The following MRGPRX1 variants were observed in gnomAD, a reference collection of about 807,000 sequenced individuals.
MRGPRX1 encodes the protein MAS related GPR family member X1.
For missense variants in MRGPRX1, 411 were observed against 393.8 expected (o/e 1.04, Z -0.37); for synonymous variants, 208 against 170.4 (o/e 1.22, Z -1.72).
Position 18,933,514 on chromosome 11 carries a change from C to G in MRGPRX1, c.*302G>C, listed in dbSNP as rs978192238. Among the ~76,000 whole-genome samples, 2 of 151,412 alleles carry G rather than the reference C, an allele frequency of 1.3e-5. No homozygotes were observed. The highest frequency in any genetic ancestry group is 4.8e-5 in the African/African-American group (2 of 41,290). ...ATAAAGAGTGTTTTAGGGTTTTGTACAGGAACTCCTTTTATTACAAAGAAA... is the reference window on the plus strand; with the variant it reads ...ATAAAGAGTGTTTTAGGGTTTTGTAGAGGAACTCCTTTTATTACAAAGAAA... On this transcript the variant is annotated 3_prime_UTR_variant, in exon 2 of 2. Coordinates refer to ENST00000526914, the MANE Select transcript of MRGPRX1 (RefSeq NM_001393578.1).
rs150781404 is a variant in MRGPRX1 at position 18,935,730 on chromosome 11, G to A, written c.-25-921C>T. Among the ~76,000 whole-genome samples, 922 of 151,350 alleles carry A rather than the reference G, an allele frequency of 6.1e-3. 6 individuals carry two copies. The highest frequency in any genetic ancestry group is 0.022 in the African/African-American group (888 of 41,174). On this transcript the variant is annotated intron_variant, in intron 1 of 1. Transcript: ENST00000526914. Reference sequence around the variant, plus strand: ...ATAGAACAGAGGAAAGAGTAAGTGAGGGTGAGCCTGAGTGCCACTGCAGCA... The same window carrying A: ...ATAGAACAGAGGAAAGAGTAAGTGAAGGTGAGCCTGAGTGCCACTGCAGCA...
chr11:18,936,730 T>A lies in MRGPRX1; in HGVS notation c.-25-1921A>T, dbSNP rs542091091. Among the ~76,000 whole-genome samples the A allele has an allele frequency of 2.0e-5, 3 of 151,640 alleles. No individual in the cohort carries two copies. The South Asian group carries it at 6.3e-4, about 32-fold the overall frequency. On this transcript the variant is annotated intron_variant, in intron 1 of 1. Transcript: ENST00000526914. ...ATAACGGCTAGTCATGCCTGTCTTTTCCACTGTGGTATCACCAACATTTAG... is the reference window on the plus strand; with the variant it reads ...ATAACGGCTAGTCATGCCTGTCTTTACCACTGTGGTATCACCAACATTTAG...
rs773068178 is a variant in MRGPRX1 at position 18,933,972 on chromosome 11, A to G, written c.813T>C (p.Ile271=). ...SALNSSANPI[I]YFFVGSFRQR... is the part of the protein sequence containing the mutation. ...GCCTAAAGGAGCCCACGAAGAAGTA[A>G]ATGATGGGGTTGGCACTGCTGTTAA... The change falls in exon 2 of 2, where the codon ATT becomes ATC. Residue 271 remains isoleucine, a synonymous_variant. Transcript: ENST00000526914. 1.2e-6 allele frequency: 2 copies of G among 1,610,984 alleles called. No individual in the cohort carries two copies. The highest frequency in any genetic ancestry group is 2.2e-5 in the South Asian group (2 of 90,824).
At position 18,933,813 on chromosome 11, in the gene MRGPRX1, T is replaced by C. The variant is rs1170526180; in HGVS notation, c.*3A>G. 5.0e-6 allele frequency: 8 copies of C among 1,602,052 alleles called. 1 individual carries two copies. The highest frequency in any genetic ancestry group is 6.8e-6 in the Non-Finnish European group (8 of 1,173,786). ...TCCTGTCTGACAGGGCAGAGGCTCT[T>C]CCTCACTGCTCCAATCTGCTTCCCG... On this transcript the variant is annotated 3_prime_UTR_variant, in exon 2 of 2. Coordinates refer to ENST00000526914, the MANE Select transcript of MRGPRX1 (RefSeq NM_001393578.1).
chr11:18,934,908 A>G, intron 1 of MRGPRX1, 99 bp from the exon 2 acceptor site: 1 of 1,305,272 alleles, frequency 7.7e-7, no homozygotes, highest in Middle Eastern at 2.0e-4. Flanking sequence ...AAGAGGGCAG[A>G]TCAGAGACTC....
chr11:18,936,042 A>G (rs1848838035), intron 1 of MRGPRX1, among the ~76,000 whole-genome samples: 1 of 151,522 alleles, frequency 6.6e-6, no homozygotes, highest in African/African-American at 2.4e-5. Context: ...TGTTTTAATT[A>G]TCTGAAGAGC....
At chr11:18,938,978 A>G (rs1007235518) in intron 1 of MRGPRX1, among the ~76,000 whole-genome samples, 1 of 151,628 alleles carries the variant, frequency 6.6e-6, no homozygotes, top group Non-Finnish European at 1.5e-5. Flanking sequence ...CTGTGAAGCA[A>G]TGCTTGCATG....
rs771155598 is a variant in MRGPRX1, at chr11:18,933,835, C to T, written c.950G>A (p.Gly317Glu). ...QLPEEILELS[G>E]SRLEQ is the part of the protein sequence containing the mutation. ...TCTTCCTCACTGCTCCAATCTGCTT[C>T]CCGACAGCTCCAGGATTTCCTCAGG... Residue 317 changes from glycine to glutamate, a missense_variant, in exon 2 of 2, where the codon GGA (glycine) becomes GAA (glutamate). Coordinates refer to ENST00000526914, the MANE Select transcript of MRGPRX1 (RefSeq NM_001393578.1). 1.9e-6 allele frequency: 3 copies of T among 1,608,556 alleles called. No homozygotes were observed. The highest frequency in any genetic ancestry group is 1.1e-5 in the South Asian group (1 of 90,478).
intron 1 of MRGPRX1, among the ~76,000 whole-genome samples, chr11:18,935,637 G>A (rs548000497): frequency 8.6e-5 from 13 of 151,418 alleles, no homozygotes; most frequent in African/African-American, 1.2e-4. Context: ...TGGCTTTGCC[G>A]AACCCCTAGA....
In MRGPRX1 at chr11:18,933,699, T is replaced by C. The variant is rs1473835749; in HGVS notation, c.*117A>G. 7 of 1,481,032 alleles carry C rather than the reference T, an allele frequency of 4.7e-6. 1 individual carries two copies. In the African/African-American group the frequency reaches 7.0e-5, roughly 15 times the overall value. 91.7% of individuals were successfully genotyped at this position (1,481,032 alleles called of 1,614,324 possible). On this transcript the variant is annotated 3_prime_UTR_variant, in exon 2 of 2. Transcript: ENST00000526914. ...TTAGATAAACATCTATTTGAAGACCTTGAGGAACCACTGAGACATTTCTGA... is the reference window on the plus strand; with the variant it reads ...TTAGATAAACATCTATTTGAAGACCCTGAGGAACCACTGAGACATTTCTGA...
At position 18,934,638 on chromosome 11, in the gene MRGPRX1, G is replaced by T. The variant is rs752227404; in HGVS notation, c.147C>A (p.Leu49=). 1 of 1,610,840 alleles carries T rather than the reference G, an allele frequency of 6.2e-7. No homozygotes were observed. Among genetic ancestry groups the T allele is most frequent in the Non-Finnish European group, 8.5e-7 (1 of 1,178,146 alleles). ...LVGLTGNAVV[L]WLLGCRMRRN... is the part of the protein sequence containing the mutation. The stretch of plus-strand genomic sequence containing the variant: ...TGCGCATGCGGCAGCCCAGGAGCCA[G>T]AGCACAACTGCGTTTCCTGTCAGCC... Residue 49 remains leucine, a synonymous_variant, in exon 2 of 2, where the codon CTC becomes CTA. Coordinates refer to ENST00000526914, the MANE Select transcript of MRGPRX1 (RefSeq NM_001393578.1).
At position 18,934,387 on chromosome 11, in the gene MRGPRX1, T is replaced by A; in HGVS notation, c.398A>T (p.His133Leu). Residue 133 changes from histidine (H) to leucine (L), a missense_variant, in exon 2 of 2, where the codon CAC (histidine) becomes CTC (leucine). Physicochemically the swap from His to Leu is moderately conservative, Grantham distance 99 (BLOSUM62 -3). Coordinates refer to ENST00000526914, the MANE Select transcript of MRGPRX1 (RefSeq NM_001393578.1). ...SVLWPIWYRCHRPTHLSAVVC... is the reference protein window; with the variant it reads ...SVLWPIWYRCLRPTHLSAVVC... ...CACCGCTGACAGGTGTGTGGGGCGG[T>A]GGCAGCGGTACCAGATGGGCCACAG... 1.2e-6 allele frequency: 2 copies of A among 1,610,672 alleles called. No individual in the cohort carries two copies. The highest frequency in any genetic ancestry group is 1.7e-4 in the Middle Eastern group (1 of 6,052).
rs1038021483 is a variant in MRGPRX1, at chr11:18,938,986, A to G, written c.-26+294T>C. ...TTCAACTCTGTGAAGCAATGCTTGC[A>G]TGTCCTCTAGCTCCTTAAATGAATG... On this transcript the variant is annotated intron_variant, in intron 1 of 1. Transcript: ENST00000526914. Among the ~76,000 whole-genome samples, 5 of 151,682 alleles carry G rather than the reference A, an allele frequency of 3.3e-5. No homozygotes were observed. In the East Asian group the frequency reaches 5.8e-4, roughly 18 times the overall value.
chr11:18,936,875 C>G (rs931732784), intron 1 of MRGPRX1, among the ~76,000 whole-genome samples: 1 of 151,494 alleles, frequency 6.6e-6, no homozygotes, highest in Non-Finnish European at 1.5e-5. Flanking sequence ...CCAATGCCAG[C>G]CCCTGGTCCC....
intron 1 of MRGPRX1, among the ~76,000 whole-genome samples, chr11:18,938,046 C>A (rs774186142): frequency 6.6e-6 from 1 of 151,424 alleles, no homozygotes; most frequent in African/African-American, 2.4e-5. Context: ...TCCTGTTTGA[C>A]ACCCCAAGAG....
Position 18,933,748 on chromosome 11 carries a change from T to C in MRGPRX1, c.*68A>G. On this transcript the variant is annotated 3_prime_UTR_variant, in exon 2 of 2. Transcript: ENST00000526914. ...GAGGCAGAAGGCTAAGAAAAACGCA[T>C]ATAATTGTCAAGGGTGGCAGGGCAG... is the stretch of plus-strand genomic sequence containing the variant. 1 of 1,524,288 alleles carries C rather than the reference T, an allele frequency of 6.6e-7. No homozygotes were observed. The highest frequency in any genetic ancestry group is 8.8e-7 in the Non-Finnish European group (1 of 1,137,724). 94.4% of individuals were successfully genotyped at this position (1,524,288 alleles called of 1,614,324 possible).
chr11:18,935,375 T>G (rs1848832692), intron 1 of MRGPRX1: 1 of 151,742 alleles, frequency 6.6e-6, no homozygotes, highest in Non-Finnish European at 1.5e-5. Flanking sequence ...ACTGTGCTTT[T>G]CATATACATT....
At position 18,934,001 on chromosome 11, in the gene MRGPRX1, C is replaced by A. The variant is rs752423405; in HGVS notation, c.784G>T (p.Ala262Ser). 1.2e-5 allele frequency: 20 copies of A among 1,610,748 alleles called. No individual in the cohort carries two copies. Among genetic ancestry groups the A allele is most frequent in the Non-Finnish European group, 1.3e-5 (15 of 1,178,192 alleles). Residue 262 changes from alanine (A) to serine (S), a missense_variant, in exon 2 of 2, where the codon GCT (alanine) becomes TCT (serine). Transcript: ENST00000526914. The stretch of plus-strand genomic sequence containing the variant: ...ATGGGGTTGGCACTGCTGTTAAGAG[C>A]GGACAGGAAAATAGAAACTAGATGA... ...HVHLVSIFLS[A>S]LNSSANPIIY...
chr11:18,938,145 G>A lies in MRGPRX1; in HGVS notation c.-26+1135C>T, dbSNP rs897144261. ...CACTGGGAGACACCTGGATGAGACTGGAAGACAGCAGGAGAGCCACTTGGG... is the reference window on the plus strand; with the variant it reads ...CACTGGGAGACACCTGGATGAGACTAGAAGACAGCAGGAGAGCCACTTGGG... On this transcript the variant is annotated intron_variant, in intron 1 of 1. Transcript: ENST00000526914. Among the ~76,000 whole-genome samples the A allele has an allele frequency of 2.0e-5, 3 of 151,690 alleles. No individual in the cohort carries two copies. In the South Asian group the frequency reaches 6.3e-4, roughly 32 times the overall value.
Sources: allele counts gnomAD v4.1 joint callset (sites outside exome capture counted in the v4.1 genomes callset), GRCh38; gene constraint gnomAD v4.1.1; transcripts MANE v1.5; gene names NCBI Gene and HGNC (gene_info 2026-07-23, HGNC 2026-07-21).